POMP: variants seen among roughly 807,000 people sequenced by gnomAD.
The protein encoded by POMP is 2510048O06Rik.
POMP carries 12 observed loss-of-function variants against 20.6 expected under a neutral mutation model. The ratio of observed to expected loss-of-function variants is 0.58; its 90% confidence interval spans 0.37 to 0.94. POMP has a LOEUF of 0.94. Among genes scored for constraint, POMP ranks in the 40% least tolerant of loss-of-function variants. The probability of loss-of-function intolerance (pLI) is 0.01; values close to 1 mark genes in which losing one functional copy is unlikely to be tolerated. For synonymous variants in POMP, 53 were observed against 55.0 expected (o/e 0.96, Z 0.16); for missense variants, 136 against 161.1 (o/e 0.84, Z 0.84).
chr13:28,661,069 C>A (rs1033950184), intron 1 of POMP, among the ~76,000 whole-genome samples: 3 of 152,144 alleles, frequency 2.0e-5, no homozygotes, highest in African/African-American at 7.2e-5. Context: ...ATATTTTCTT[C>A]TAGAATAATA....
At chr13:28,662,287 T>C in intron 1 of POMP, 123 bp from the exon 2 acceptor site, 1 of 669,738 alleles carries the variant, frequency 1.5e-6, no homozygotes, top group East Asian at 2.8e-5. Flanking sequence ...AATTGTCTAG[T>C]CTGGACTTTT....
chr13:28,671,445 CTG>C (rs144677672), intron 4 of POMP, among the ~76,000 whole-genome samples: 6,644 of 139,186 alleles, frequency 0.048, 490 homozygotes, highest in African/African-American at 0.18. Context: ...CCAGAATTCT[CTG>C]TCTTTTTTTT....
intron 3 of POMP, among the ~76,000 whole-genome samples, chr13:28,665,075 G>A (rs1395637845): frequency 6.6e-6 from 1 of 152,160 alleles, no homozygotes; most frequent in Non-Finnish European, 1.5e-5. Flanking sequence ...AGAAGACCAA[G>A]GATGTGACAG....
intron 4 of POMP, among the ~76,000 whole-genome samples, chr13:28,670,217 G>A (rs928052902): frequency 1.3e-5 from 2 of 152,174 alleles, no homozygotes; most frequent in African/African-American, 4.8e-5. Context: ...GGCACCTCCA[G>A]TTTTACATGG....
chr13:28,664,046 A>C (rs1460516909), intron 2 of POMP, among the ~76,000 whole-genome samples: 1 of 152,206 alleles, frequency 6.6e-6, no homozygotes, highest in Non-Finnish European at 1.5e-5. Context: ...CTTTATACAT[A>C]GTAGGTGTTC....
intron 5 of POMP, among the ~76,000 whole-genome samples, chr13:28,674,996 A>G (rs1884605116): frequency 1.3e-5 from 2 of 152,108 alleles, no homozygotes; most frequent in South Asian, 4.1e-4. Flanking sequence ...CAGGGATCAC[A>G]CCAGTGTACT....
chr13:28,659,256 T>G, intron 1 of POMP, 69 bp downstream of exon 1: 1 of 1,553,910 alleles, frequency 6.4e-7, no homozygotes. Context: ...AAACAGGCAG[T>G]CGCCTCCCAA....
intron 2 of POMP, 103 bp downstream of exon 2, chr13:28,662,610 A>C: frequency 2.1e-6 from 2 of 933,042 alleles, no homozygotes; most frequent in Non-Finnish European, 3.5e-6. Context: ...TAGTTGGCAG[A>C]TGGCAAGTAA....
At chr13:28,663,868 C>T (rs1466090052) in intron 2 of POMP, among the ~76,000 whole-genome samples, 6 of 152,094 alleles carry the variant, frequency 3.9e-5, no homozygotes, top group Non-Finnish European at 5.9e-5. Context: ...AAACCCACTT[C>T]CTGGATAATG....
intron 4 of POMP, among the ~76,000 whole-genome samples, 156 bp from the exon 5 acceptor site, chr13:28,672,183 A>G (rs111674035): frequency 7.7e-4 from 118 of 152,360 alleles, no homozygotes; most frequent in African/African-American, 2.7e-3. Flanking sequence ...TGTGTCTAAA[A>G]TATGAACTAG....
intron 5 of POMP, 113 bp downstream of exon 5, chr13:28,672,545 A>G: frequency 1.2e-6 from 1 of 807,650 alleles, no homozygotes; most frequent in Admixed American, 1.8e-5. Flanking sequence ...GATTGGGTTC[A>G]CTTTATTCAT....
At chr13:28,671,977 T>C (rs985090048) in intron 4 of POMP, among the ~76,000 whole-genome samples, 3 of 152,084 alleles carry the variant, frequency 2.0e-5, no homozygotes, top group Non-Finnish European at 4.4e-5. Context: ...ACCTATTGAG[T>C]TGGACTTTCT....
At chr13:28,662,949 A>G (rs1469335653) in intron 2 of POMP, among the ~76,000 whole-genome samples, 1 of 152,184 alleles carries the variant, frequency 6.6e-6, no homozygotes, top group Non-Finnish European at 1.5e-5. Flanking sequence ...AAATCACATA[A>G]TTAATGTCTC....
intron 1 of POMP, among the ~76,000 whole-genome samples, 172 bp from the exon 2 acceptor site, chr13:28,662,238 G>A (rs1296039661): frequency 6.6e-6 from 1 of 152,128 alleles, no homozygotes; most frequent in Non-Finnish European, 1.5e-5. Context: ...ATTGTACCAT[G>A]TGTGTCTCTA....
chr13:28,668,460 T>C lies in POMP; in HGVS notation c.163-13T>C, dbSNP rs762917100. ...ATTGAGTGTAATGTTTAAAATTACATTGTCTTTTGTAGTTCCAGCTCAACC... is the reference window on the plus strand; with the variant it reads ...ATTGAGTGTAATGTTTAAAATTACACTGTCTTTTGTAGTTCCAGCTCAACC... On this transcript the variant is annotated splice_polypyrimidine_tract_variant and intron_variant, in intron 3 of 5. Coordinates refer to ENST00000380842, the MANE Select transcript of POMP (RefSeq NM_015932.6). 2.6e-6 allele frequency: 4 copies of C among 1,558,498 alleles called. No individual in the cohort carries two copies. Among genetic ancestry groups the C allele is most frequent in the Non-Finnish European group, 2.7e-6 (3 of 1,129,842 alleles).
At chr13:28,675,502 T>C (rs969238691) in intron 5 of POMP, among the ~76,000 whole-genome samples, 1 of 152,152 alleles carries the variant, frequency 6.6e-6, no homozygotes, top group African/African-American at 2.4e-5. Flanking sequence ...TGGGGTAGTT[T>C]TTTTCTTGTG....
intron 5 of POMP, among the ~76,000 whole-genome samples, chr13:28,675,966 CTG>C (rs1217651437): frequency 2.6e-5 from 4 of 152,160 alleles, no homozygotes; most frequent in Non-Finnish European, 4.4e-5. Context: ...GTGTTCAACT[CTG>C]TGGTCCAGTT....
In POMP at chr13:28,672,438, T is replaced by C. The variant is rs781422074; in HGVS notation, c.358+6T>C. 10 of 1,570,590 alleles carry C rather than the reference T, an allele frequency of 6.4e-6. No homozygotes were observed. The highest frequency in any genetic ancestry group is 8.8e-6 in the Non-Finnish European group (10 of 1,140,628). On this transcript the variant is annotated splice_donor_region_variant and intron_variant, in intron 5 of 5. Transcript: ENST00000380842. Reference sequence around the variant, plus strand: ...ATTTGAGGATATTCTTAATGGTAAGTGTCATTCAGCACCTTTTTATGGAGC... The same window carrying C: ...ATTTGAGGATATTCTTAATGGTAAGCGTCATTCAGCACCTTTTTATGGAGC...
At chr13:28,665,907 A>G (rs536982380) in intron 3 of POMP, among the ~76,000 whole-genome samples, 1 of 152,348 alleles carries the variant, frequency 6.6e-6, no homozygotes, top group African/African-American at 2.4e-5. Flanking sequence ...ATTAGGGAAT[A>G]GTCAATTTGG....
Sources: allele counts gnomAD v4.1 joint callset (sites outside exome capture counted in the v4.1 genomes callset), GRCh38; gene constraint gnomAD v4.1.1; transcripts MANE v1.5; gene names NCBI Gene and HGNC (gene_info 2026-07-23, HGNC 2026-07-21).